Variants in NRP2 observed in about 807,000 individuals in gnomAD.
NRP2 encodes the protein neuropilin 2.
Under a neutral mutation model 110.4 loss-of-function variants are expected in NRP2, and 52 were observed. The ratio of observed to expected loss-of-function variants is 0.47; its 90% CI spans 0.38 to 0.59. The LOEUF (loss-of-function observed/expected upper bound fraction) is 0.59. Ranked by LOEUF, NRP2 falls within the 20% of genes least tolerant of loss-of-function variation. The pLI, the probability that NRP2 is intolerant of heterozygous loss-of-function variation, is 0.00. For missense variants in NRP2, 1,049 were observed against 1,203.0 expected (o/e 0.87, Z 1.89); for synonymous variants, 508 against 468.9 (o/e 1.08, Z -1.08).
At position 205,753,478 on chromosome 2, in the gene NRP2, A is replaced by G. The variant is rs537518612; in HGVS notation, c.2044+503A>G. ...CCAAAATGCTGCCACACCCATGGGT[A>G]TCTAGCAGAGCTGCCTGGCACTTGG... On this transcript the variant is annotated intron_variant, in intron 12 of 16. Transcript: ENST00000357785. 3.9e-5 allele frequency among the ~76,000 whole-genome samples: 6 copies of G among 152,314 alleles called. No individual in the cohort carries two copies. In the East Asian group the frequency reaches 5.8e-4, roughly 15 times the overall value.
Position 205,716,188 on chromosome 2 carries a change from C to T in NRP2, c.252-5C>T, listed in dbSNP as rs772785643. The T allele has an allele frequency of 1.2e-6, 2 of 1,614,006 alleles. No individual in the cohort carries two copies. The highest frequency in any genetic ancestry group is 1.6e-4 in the Middle Eastern group (1 of 6,084). Reference sequence around the variant, plus strand: ...TCTTTTCTTGTCTGTGCCATCCCCACCCAGGTATGACTTTATCGAGATTCG... The same window carrying T: ...TCTTTTCTTGTCTGTGCCATCCCCATCCAGGTATGACTTTATCGAGATTCG... On this transcript the variant is annotated splice_region_variant and splice_polypyrimidine_tract_variant and intron_variant, in intron 2 of 16. Transcript: ENST00000357785.
chr2:205,771,734 C>G (rs182974646), intron 15 of NRP2, among the ~76,000 whole-genome samples: 3 of 152,316 alleles, frequency 2.0e-5, no homozygotes, highest in Admixed American at 2.0e-4. Flanking sequence ...CCTCTTCCCT[C>G]CCTACTTGGT....
chr2:205,789,592 C>T (rs1188147843), intron 15 of NRP2, among the ~76,000 whole-genome samples: 3 of 152,232 alleles, frequency 2.0e-5, no homozygotes, highest in African/African-American at 7.2e-5. Flanking sequence ...TGCCATTTCC[C>T]CTTTCCAGGG....
chr2:205,696,973 A>G (rs976193304), intron 1 of NRP2, among the ~76,000 whole-genome samples: 3 of 151,912 alleles, frequency 2.0e-5, no homozygotes, highest in African/African-American at 7.3e-5. Context: ...GGCTGCAATC[A>G]CCCTCCAGGG....
At chr2:205,760,810 A>G (rs944879091) in intron 12 of NRP2, 3 of 152,216 alleles carry the variant, frequency 2.0e-5, no homozygotes, top group Non-Finnish European at 4.4e-5. Context: ...AATTCTAACC[A>G]TGATGCCATG....
intron 7 of NRP2, among the ~76,000 whole-genome samples, chr2:205,729,121 G>C (rs1184314518): frequency 6.6e-6 from 1 of 152,210 alleles, no homozygotes; most frequent in African/African-American, 2.4e-5. Flanking sequence ...AGCTTGCTCT[G>C]ACTGGTGCAG....
rs1283893725 is a variant in NRP2 at position 205,725,610 on chromosome 2, A to G, written c.821-303A>G. 6.6e-6 allele frequency among the ~76,000 whole-genome samples: 1 copy of G among 152,214 alleles called. No homozygotes were observed. The highest frequency in any genetic ancestry group is 1.5e-5 in the Non-Finnish European group (1 of 68,040). ...GTATTGCAGTAATGGTGCATCTGGC[A>G]TCTGTAGCCTGCAGCAATAACAGTT... is the stretch of plus-strand genomic sequence containing the variant. On this transcript the variant is annotated intron_variant, in intron 5 of 16. Transcript: ENST00000357785. The surrounding 1 kb of genome is among the most constrained non-coding windows in gnomAD (Gnocchi z 4.1).
chr2:205,756,335 GA>G (rs995033354), intron 12 of NRP2: 37 of 152,214 alleles, frequency 2.4e-4, no homozygotes, highest in African/African-American at 8.7e-4. Context: ...CCCTTACTAG[GA>G]GATGGCATGT....
intron 13 of NRP2, chr2:205,764,351 A>AGGAAGG (rs1317848856): frequency 1.0e-5 from 2 of 195,844 alleles, no homozygotes; most frequent in Non-Finnish European, 2.1e-5. Context: ...GCAAGAACAC[A>AGGAAGG]GGAAGGGGAG....
At chr2:205,775,203 G>T (rs967242049) in intron 15 of NRP2, among the ~76,000 whole-genome samples, 5 of 152,188 alleles carry the variant, frequency 3.3e-5, no homozygotes, top group African/African-American at 1.2e-4. Context: ...AAGCTCAAAA[G>T]CTCCTAGTCC....
At position 205,686,148 on chromosome 2, in the gene NRP2, TC is replaced by T. The variant is rs913238540; in HGVS notation, c.73+2788del. On this transcript the variant is annotated intron_variant, in intron 1 of 16. Transcript: ENST00000357785. This position sits in a 1 kb window ranked among gnomAD's most constrained non-coding sequence, Gnocchi z 4.7. ...TAAACATTCTATTAAGCAAAAATAT[TC>T]CCAGCGAAAGCAAAACCGAGGCTGA... Among the ~76,000 whole-genome samples the T allele has an allele frequency of 2.3e-4, 35 of 152,090 alleles. No homozygotes were observed. The highest frequency in any genetic ancestry group is 8.0e-4 in the African/African-American group (33 of 41,430).
intron 1 of NRP2, among the ~76,000 whole-genome samples, chr2:205,693,249 A>T (rs1171114472): frequency 6.6e-6 from 1 of 152,242 alleles, no homozygotes. Flanking sequence ...AAGTGCCCTC[A>T]GGTATACATA....
chr2:205,748,365 G>T (rs1335619593), intron 10 of NRP2, among the ~76,000 whole-genome samples: 2 of 152,158 alleles, frequency 1.3e-5, no homozygotes, highest in Non-Finnish European at 2.9e-5. Context: ...CCTGTTAGTT[G>T]GTTTGTGTTT....
At chr2:205,690,303 C>G (rs2056282183) in intron 1 of NRP2, among the ~76,000 whole-genome samples, 1 of 152,008 alleles carries the variant, frequency 6.6e-6, no homozygotes, top group Non-Finnish European at 1.5e-5. Context: ...AATCCAATAC[C>G]AACAAATGGC....
chr2:205,762,293 G>C (rs1428068409), intron 12 of NRP2: 1 of 152,294 alleles, frequency 6.6e-6, no homozygotes, highest in African/African-American at 2.4e-5. Flanking sequence ...GGAGCTTAGG[G>C]GAGCAGGGAG....
chr2:205,764,387 G>C (rs1014216540), intron 13 of NRP2: 2 of 195,448 alleles, frequency 1.0e-5, no homozygotes, highest in African/African-American at 4.7e-5. Flanking sequence ...CTCAGTGGCC[G>C]GCAGACATGA....
At chr2:205,707,382 A>T (rs1464933788) in intron 2 of NRP2, among the ~76,000 whole-genome samples, 1 of 152,158 alleles carries the variant, frequency 6.6e-6, no homozygotes, top group Non-Finnish European at 1.5e-5. Context: ...GTGCAGGCCC[A>T]TCATTTCCAC....
rs1040739942 is a variant in NRP2, at chr2:205,763,758, C to T, written c.2129C>T (p.Pro710Leu). Residue 710 changes from proline (P) to leucine (L), a missense_variant, in exon 13 of 17, where the codon CCC becomes CTC. Physicochemically the swap from Pro to Leu is moderately conservative, Grantham distance 98. Coordinates refer to ENST00000357785, the MANE Select transcript of NRP2 (RefSeq NM_003872.3). This position sits in a 1 kb window ranked among gnomAD's most constrained non-coding sequence, Gnocchi z 4.0. Reference sequence around the variant, plus strand: ...CTCATCAGCCCCCCTGTCCACCTGCCCCGAAGCCCGGTGTGCATGGAGTTC... The same window carrying T: ...CTCATCAGCCCCCCTGTCCACCTGCTCCGAAGCCCGGTGTGCATGGAGTTC... ...ARLISPPVHL[P>L]RSPVCMEFQY... 1.2e-6 allele frequency: 2 copies of T among 1,614,172 alleles called. No homozygotes were observed. The highest frequency in any genetic ancestry group is 1.7e-4 in the Middle Eastern group (1 of 6,060).
intron 1 of NRP2, among the ~76,000 whole-genome samples, chr2:205,691,210 T>C (rs2056309225): frequency 6.6e-6 from 1 of 152,208 alleles, no homozygotes. Context: ...CTCAGTAGAC[T>C]GGATGAGGCC....
Sources: gnomAD v4.1 joint callset for allele counts (sites outside exome capture counted in the v4.1 genomes callset) on GRCh38, gnomAD v4.1.1 for gene constraint, Gnocchi (gnomAD v3.1) non-coding constraint, MANE v1.5 for transcripts, NCBI Gene and HGNC (gene_info 2026-07-23, HGNC 2026-07-21) for gene names.